The following GPM6A variants were observed in gnomAD, a reference collection of about 807,000 sequenced individuals.
GPM6A encodes the protein glycoprotein M6A.
GPM6A carries 7 observed loss-of-function variants against 32.1 expected under a neutral mutation model. The observed-to-expected ratio is 0.22, with a 90% CI of 0.12 to 0.41. GPM6A has a LOEUF of 0.41. GPM6A is among the 10% of genes least tolerant of loss of function. GPM6A has a pLI of 1.00. For synonymous variants in GPM6A, 130 were observed against 123.4 expected (o/e 1.05, Z -0.35); for missense variants, 235 against 347.2 (o/e 0.68, Z 2.57).
intron 1 of GPM6A, among the ~76,000 whole-genome samples, chr4:175,784,637 A>G (rs2132335): frequency 1.3e-5 from 2 of 152,136 alleles, no homozygotes; most frequent in Non-Finnish European, 2.9e-5. Context: ...AATGTGAATT[A>G]TAATGAACTC....
chr4:175,927,878 C>A (rs1022846667), intron 1 of GPM6A, among the ~76,000 whole-genome samples: 1 of 152,082 alleles, frequency 6.6e-6, no homozygotes, highest in African/African-American at 2.4e-5. Flanking sequence ...GAGCAAGACT[C>A]CGTCTCAAAA....
At chr4:175,700,159 G>A (rs370033738) in intron 2 of GPM6A, among the ~76,000 whole-genome samples, 49 of 151,642 alleles carry the variant, frequency 3.2e-4, no homozygotes, top group African/African-American at 1.1e-3. Flanking sequence ...CACCACACCC[G>A]GCCCACAACT....
At chr4:175,765,701 T>C (rs972662525) in intron 1 of GPM6A, among the ~76,000 whole-genome samples, 18 of 152,210 alleles carry the variant, frequency 1.2e-4, no homozygotes, top group African/African-American at 4.1e-4. Flanking sequence ...CCTGCTACTA[T>C]TAAAATAAAA....
chr4:175,958,136 G>C (rs1031690159), intron 1 of GPM6A, among the ~76,000 whole-genome samples: 1 of 152,068 alleles, frequency 6.6e-6, no homozygotes, highest in Non-Finnish European at 1.5e-5. Flanking sequence ...CAAGTGACCC[G>C]CCCACCTCAA....
chr4:175,647,653 A>C (rs2110906377), intron 4 of GPM6A, among the ~76,000 whole-genome samples: 1 of 152,322 alleles, frequency 6.6e-6, no homozygotes, highest in South Asian at 2.1e-4. Flanking sequence ...CCTGTAAAAT[A>C]AAAGATAGCG....
chr4:175,766,766 T>C (rs573858996), intron 1 of GPM6A, among the ~76,000 whole-genome samples: 32 of 151,628 alleles, frequency 2.1e-4, no homozygotes, highest in South Asian at 1.9e-3. Flanking sequence ...GCAATTCTCC[T>C]GCCTCATCCT....
intron 3 of GPM6A, among the ~76,000 whole-genome samples, chr4:175,666,205 C>A (rs1250927644): frequency 1.3e-5 from 2 of 152,114 alleles, no homozygotes. Flanking sequence ...CATGCGTGAG[C>A]CACTGTGCCC....
At chr4:175,801,607 T>C (rs529328859) in intron 1 of GPM6A, among the ~76,000 whole-genome samples, 60 of 152,216 alleles carry the variant, frequency 3.9e-4, no homozygotes, top group African/African-American at 1.2e-3. Context: ...ATATGATACA[T>C]TTTTTAAAAA....
chr4:175,877,297 A>G (rs143659359), intron 1 of GPM6A, among the ~76,000 whole-genome samples: 24 of 152,260 alleles, frequency 1.6e-4, no homozygotes, highest in African/African-American at 5.5e-4. Context: ...TATCTAAATA[A>G]AAGTAATTCT....
chr4:175,905,575 A>C (rs1738104259), intron 1 of GPM6A, among the ~76,000 whole-genome samples: 1 of 152,042 alleles, frequency 6.6e-6, no homozygotes, highest in South Asian at 2.1e-4. Flanking sequence ...ACCTTCACGA[A>C]GGGAAATTTA....
At chr4:175,968,346 T>C (rs148307394) in intron 1 of GPM6A, among the ~76,000 whole-genome samples, 66 of 152,000 alleles carry the variant, frequency 4.3e-4, no homozygotes, top group African/African-American at 1.5e-3. Flanking sequence ...AGGAGAAAAA[T>C]GTAAGTGATT....
At chr4:175,753,961 A>G (rs1732434100) in intron 1 of GPM6A, among the ~76,000 whole-genome samples, 1 of 152,122 alleles carries the variant, frequency 6.6e-6, no homozygotes, top group Non-Finnish European at 1.5e-5. Flanking sequence ...ATCTTCATAA[A>G]GGGAGAGAGC....
chr4:175,817,814 A>AC (rs924937967), intron 1 of GPM6A, among the ~76,000 whole-genome samples: 4 of 152,026 alleles, frequency 2.6e-5, no homozygotes, highest in Admixed American at 1.3e-4. Context: ...TAGACATTGT[A>AC]CCCCCCAAGG....
chr4:175,957,596 G>A (rs980863652), intron 1 of GPM6A, among the ~76,000 whole-genome samples: 1 of 152,096 alleles, frequency 6.6e-6, no homozygotes, highest in Non-Finnish European at 1.5e-5. Flanking sequence ...ATAGCATTAG[G>A]AGAAATACGT....
At position 175,669,139 on chromosome 4, in the gene GPM6A, G is replaced by C. The variant is rs528367257; in HGVS notation, c.387+4541C>G. 5.3e-5 allele frequency among the ~76,000 whole-genome samples: 8 copies of C among 152,272 alleles called. 1 individual carries two copies. The South Asian group carries it at 1.7e-3, about 32-fold the overall frequency. ...GTAGGTATAGTATGGGCATATATAA[G>C]TGCCTAACAAATATTTCCCATTATT... is the stretch of plus-strand genomic sequence containing the variant. On this transcript the variant is annotated intron_variant, in intron 3 of 6. Coordinates refer to ENST00000393658, the MANE Select transcript of GPM6A (RefSeq NM_201591.3).
At chr4:175,711,513 A>G (rs1349588367) in intron 1 of GPM6A, among the ~76,000 whole-genome samples, 1 of 145,142 alleles carries the variant, frequency 6.9e-6, no homozygotes, top group African/African-American at 2.5e-5. Flanking sequence ...ACTTGTATAT[A>G]TAAATACATA....
At chr4:175,871,855 A>G (rs1736921171) in intron 1 of GPM6A, among the ~76,000 whole-genome samples, 1 of 152,172 alleles carries the variant, frequency 6.6e-6, no homozygotes. Flanking sequence ...GAAATAAAAA[A>G]TTTTATTTCT....
At chr4:175,944,536 C>T (rs1739525601) in intron 1 of GPM6A, among the ~76,000 whole-genome samples, 1 of 152,160 alleles carries the variant, frequency 6.6e-6, no homozygotes, top group African/African-American at 2.4e-5. Flanking sequence ...TGAACATATA[C>T]ACACACGTAC....
At chr4:175,691,425 ATTTT>A (rs1246310667) in intron 2 of GPM6A, among the ~76,000 whole-genome samples, 1 of 151,154 alleles carries the variant, frequency 6.6e-6, no homozygotes, top group Non-Finnish European at 1.5e-5. Context: ...AGCATTGTAA[ATTTT>A]TTTAAAAAGC....
Sources: allele counts gnomAD v4.1 joint callset (sites outside exome capture counted in the v4.1 genomes callset), GRCh38; gene constraint gnomAD v4.1.1; transcripts MANE v1.5; gene names NCBI Gene and HGNC (gene_info 2026-07-23, HGNC 2026-07-21).